Variants in DACH2 observed in about 807,000 individuals in gnomAD.
DACH2 encodes the protein dachshund family transcription factor 2.
Under a neutral mutation model 35.8 loss-of-function variants are expected in DACH2, and 17 were observed. The ratio of observed to expected loss-of-function variants is 0.48; its 90% CI spans 0.33 to 0.71. The LOEUF is 0.71. Ranked by LOEUF, DACH2 falls within the 30% of genes least tolerant of loss-of-function variation. The pLI, the probability that DACH2 is intolerant of heterozygous loss-of-function variation, is 0.02. For missense variants in DACH2, 469 were observed against 472.7 expected (o/e 0.99, Z 0.07); for synonymous variants, 195 against 177.3 (o/e 1.10, Z -0.79).
chrX:86,395,578 C>T (rs769950358), intron 2 of DACH2, among the ~76,000 whole-genome samples: 1 of 110,365 alleles, frequency 9.1e-6, no homozygotes, highest in East Asian at 2.9e-4. Flanking sequence ...TGATGTTCCC[C>T]TTCCTGTGTC....
intron 2 of DACH2, among the ~76,000 whole-genome samples, chrX:86,421,513 C>T (rs778410877): frequency 6.3e-5 from 7 of 111,326 alleles, no homozygotes; most frequent in South Asian, 3.7e-4. Flanking sequence ...AGAGCAAACA[C>T]GGTTTTTGGA....
intron 1 of DACH2, among the ~76,000 whole-genome samples, chrX:86,364,746 A>C (rs952676491): frequency 3.6e-5 from 4 of 111,541 alleles, no homozygotes; most frequent in African/African-American, 1.3e-4. Flanking sequence ...TCTTTTAAAA[A>C]TTTGTTTGAA....
intron 1 of DACH2, among the ~76,000 whole-genome samples, chrX:86,260,129 T>C (rs1277021285): frequency 9.0e-6 from 1 of 110,807 alleles, no homozygotes; most frequent in East Asian, 2.8e-4. Context: ...ATCAAACATA[T>C]GATTAATTAA....
intron 7 of DACH2, 89 bp from the exon 8 acceptor site, chrX:86,812,767 A>T (rs1334236151): frequency 2.8e-5 from 17 of 607,351 alleles, no homozygotes; most frequent in Non-Finnish European, 4.1e-5. Context: ...TTAGAAACAA[A>T]ATCTTTATAG....
chrX:86,347,348 A>G (rs1324770149), intron 1 of DACH2, among the ~76,000 whole-genome samples: 1 of 112,742 alleles, frequency 8.9e-6, no homozygotes, highest in African/African-American at 3.2e-5. Context: ...TAGTCAGCAA[A>G]GAGAATTTGG....
At chrX:86,568,229 A>C (rs891431179) in intron 3 of DACH2, among the ~76,000 whole-genome samples, 1 of 111,342 alleles carries the variant, frequency 9.0e-6, no homozygotes, top group African/African-American at 3.3e-5. Context: ...GTCATTATAC[A>C]CTGCGAAATC....
At chrX:86,196,404 ACAAG>A (rs768421629) in intron 1 of DACH2, among the ~76,000 whole-genome samples, 368 of 110,858 alleles carry the variant, frequency 3.3e-3, no homozygotes, top group Middle Eastern at 9.3e-3. Context: ...ATGAAAAGGA[ACAAG>A]CAGGCTGGAT....
chrX:86,681,609 C>CTATA (rs57331012), intron 4 of DACH2, among the ~76,000 whole-genome samples: 2 of 98,875 alleles, frequency 2.0e-5, no homozygotes, highest in African/African-American at 3.8e-5. Flanking sequence ...CTCTCTCTCT[C>CTATA]TATATATATA....
rs781195568 is a variant in DACH2, at chrX:86,668,437, G to A, written c.772+17270G>A. Among the ~76,000 whole-genome samples, 4 of 112,207 alleles carry A rather than the reference G, an allele frequency of 3.6e-5. No individual in the cohort carries two copies. In the East Asian group the frequency reaches 1.1e-3, roughly 31 times the overall value. ...AAATTTATAGTCTCTAAGTACAGAGGTCTAAATCTTCAAAGCTTGAAAAGC... is the reference window on the plus strand; with the variant it reads ...AAATTTATAGTCTCTAAGTACAGAGATCTAAATCTTCAAAGCTTGAAAAGC... On this transcript the variant is annotated intron_variant, in intron 4 of 11. Coordinates refer to ENST00000373125, the MANE Select transcript of DACH2 (RefSeq NM_053281.3).
chrX:86,762,441 C>CA, intron 7 of DACH2, among the ~76,000 whole-genome samples: 1 of 111,430 alleles, frequency 9.0e-6, no homozygotes, highest in Non-Finnish European at 1.9e-5. Flanking sequence ...TTTTATTCCC[C>CA]ACCCCACCAT....
intron 5 of DACH2, among the ~76,000 whole-genome samples, chrX:86,705,307 G>A (rs191476340): frequency 9.1e-6 from 1 of 109,485 alleles, no homozygotes; most frequent in African/African-American, 3.3e-5. Flanking sequence ...TGGGAGGTGG[G>A]AGAGGGATAA....
chrX:86,601,354 T>A (rs905612343), intron 3 of DACH2, among the ~76,000 whole-genome samples: 1 of 111,950 alleles, frequency 8.9e-6, no homozygotes, highest in Non-Finnish European at 1.9e-5. Context: ...AAAAGTATAC[T>A]TAGTTACAGT....
intron 2 of DACH2, among the ~76,000 whole-genome samples, chrX:86,398,673 G>T (rs1396818891): frequency 8.9e-6 from 1 of 112,013 alleles, no homozygotes; most frequent in Non-Finnish European, 1.9e-5. Context: ...GGGGCAGGTT[G>T]TTCAGTTTCC....
chrX:86,250,228 C>T (rs1411271161), intron 1 of DACH2, among the ~76,000 whole-genome samples: 1 of 111,675 alleles, frequency 9.0e-6, no homozygotes, highest in Non-Finnish European at 1.9e-5. Flanking sequence ...AAAAGAAAAA[C>T]TCACTGTGAA....
At chrX:86,332,841 A>G (rs2035236971) in intron 1 of DACH2, among the ~76,000 whole-genome samples, 1 of 111,977 alleles carries the variant, frequency 8.9e-6, no homozygotes, top group Non-Finnish European at 1.9e-5. Context: ...GTTTCATCTC[A>G]CCAAATGTAT....
Position 86,404,071 on chromosome X carries a change from C to T in DACH2, c.527+27209C>T, listed in dbSNP as rs193131851. Among the ~76,000 whole-genome samples, 73 of 110,429 alleles carry T rather than the reference C, an allele frequency of 6.6e-4. 1 individual carries two copies. In the East Asian group the frequency reaches 0.015, roughly 23 times the overall value. ...GTAACTACCCCCGTGATTCAATAAC[C>T]TCCCACTGGGTCCCTTTCACAACAC... On this transcript the variant is annotated intron_variant, in intron 2 of 11. Transcript: ENST00000373125.
At chrX:86,190,032 C>A (rs1367051233) in intron 1 of DACH2, among the ~76,000 whole-genome samples, 4 of 109,377 alleles carry the variant, frequency 3.7e-5, no homozygotes, top group Non-Finnish European at 1.9e-5. Context: ...GGCGTGGTGG[C>A]ATGTGCCTGT....
At chrX:86,694,211 T>A (rs11092815) in intron 4 of DACH2, among the ~76,000 whole-genome samples, 4,458 of 111,745 alleles carry the variant, frequency 0.04, 222 homozygotes, top group African/African-American at 0.14. Flanking sequence ...ACAACCATTT[T>A]GTTTTCTAAA....
chrX:86,206,031 C>T (rs947378436), intron 1 of DACH2, among the ~76,000 whole-genome samples: 2 of 111,713 alleles, frequency 1.8e-5, no homozygotes, highest in African/African-American at 6.5e-5. Flanking sequence ...ACTTTTATCT[C>T]ATTTTATAGG....
Sources: allele counts gnomAD v4.1 joint callset (sites outside exome capture counted in the v4.1 genomes callset), GRCh38; gene constraint gnomAD v4.1.1; transcripts MANE v1.5; gene names NCBI Gene and HGNC (gene_info 2026-07-23, HGNC 2026-07-21).